Variants in MCF2L observed in about 807,000 individuals in gnomAD.
The protein encoded by MCF2L is guanine nucleotide exchange factor DBS.
MCF2L carries 97 observed loss-of-function variants against 153.4 expected under a neutral mutation model. That is an observed-to-expected ratio of 0.63 (90% CI 0.54 to 0.75). The LOEUF (loss-of-function observed/expected upper bound fraction) is 0.75, where lower values mean the gene tolerates loss of function less well. Ranked by LOEUF, MCF2L falls within the 30% of genes least tolerant of loss-of-function variation. MCF2L has a pLI of 0.00. For missense variants in MCF2L, 1,347 were observed against 1,495.2 expected, an observed-to-expected ratio of 0.90 and a Z score of 1.64; for synonymous variants, 659 against 632.2, an observed-to-expected ratio of 1.04 and a Z score of -0.64.
intron 2 of MCF2L, among the ~76,000 whole-genome samples, chr13:112,934,181 C>G (rs947456342): frequency 6.6e-6 from 1 of 152,218 alleles, no homozygotes; most frequent in African/African-American, 2.4e-5. Context: ...TGCATGGAAG[C>G]CCCCTGCTTG....
Position 112,983,727 on chromosome 13 carries a change from G to A in MCF2L, c.79+14269G>A, listed in dbSNP as rs572231994. Among the ~76,000 whole-genome samples the A allele has an allele frequency of 5.9e-5, 9 of 152,322 alleles. No homozygotes were observed. The highest frequency in any genetic ancestry group is 3.3e-4 in the Admixed American group (5 of 15,314). ...TGACGCACTGTGGCCCCGGGGAAGC[G>A]TGGTGTCTGCAGCCTCCTGGGCCTT... On this transcript the variant is annotated intron_variant, in intron 1 of 29. Transcript: ENST00000535094. The surrounding 1 kb of genome is among the most constrained non-coding windows in gnomAD (Gnocchi z 4.0).
chr13:113,061,887 C>T (rs1411984698), intron 5 of MCF2L, among the ~76,000 whole-genome samples: 2 of 80,856 alleles, frequency 2.5e-5, no homozygotes, highest in African/African-American at 1.0e-4. Context: ...CTCCTCCTCC[C>T]CTTCCTCCTC....
rs150592092 is a variant in MCF2L at position 112,923,914 on chromosome 13, G to C, written c.169+21543G>C. ...TGACACCGCCACTTTGGAGAGGGCA[G>C]GCCAGTTATGTTGTAGAACATTCCT... On this transcript the variant is annotated intron_variant, in intron 2 of 29. Transcript: ENST00000375608. Among the ~76,000 whole-genome samples, 49 of 152,284 alleles carry C rather than the reference G, an allele frequency of 3.2e-4. No individual in the cohort carries two copies. In the East Asian group the frequency reaches 7.9e-3, roughly 25 times the overall value.
chr13:113,041,979 G>A (rs988920034), intron 3 of MCF2L, among the ~76,000 whole-genome samples: 2 of 152,164 alleles, frequency 1.3e-5, no homozygotes, highest in Admixed American at 6.5e-5. Flanking sequence ...TGCCTGGAGA[G>A]GATCATAGCA....
rs907099274 is a variant in MCF2L, at chr13:113,035,948, ACCT to A, written c.279-9321_279-9319del. ...ACAGCAGGGGCCTAAGGGATGTTTG[ACCT>A]CAGCAGGTAGAGTATCATCTCCGTG... On this transcript the variant is annotated intron_variant, in intron 3 of 29. Coordinates refer to ENST00000535094, the MANE Select transcript of MCF2L (RefSeq NM_001112732.3). This position sits in a 1 kb window ranked among gnomAD's most constrained non-coding sequence, Gnocchi z 4.4. Among the ~76,000 whole-genome samples the A allele has an allele frequency of 2.6e-5, 4 of 151,970 alleles. No individual in the cohort carries two copies. Among genetic ancestry groups the A allele is most frequent in the Admixed American group, 6.6e-5 (1 of 15,262 alleles).
chr13:112,986,679 A>G (rs1272998609), intron 1 of MCF2L, among the ~76,000 whole-genome samples: 1 of 152,172 alleles, frequency 6.6e-6, no homozygotes, highest in Non-Finnish European at 1.5e-5. Context: ...GGGAAGCCCC[A>G]TCGGAGGGTC....
intron 1 of MCF2L, among the ~76,000 whole-genome samples, chr13:112,992,804 A>C (rs758919785): frequency 3.0e-4 from 45 of 152,262 alleles, no homozygotes; most frequent in Non-Finnish European, 4.3e-4. Context: ...AATCTACAGA[A>C]CATCGGGAAC....
chr13:113,081,077 G>A (rs181354695), intron 15 of MCF2L, 136 bp from the exon 16 acceptor site: 89 of 688,996 alleles, frequency 1.3e-4, no homozygotes, highest in African/African-American at 1.2e-3. Context: ...CGTCCAGCCT[G>A]TGGGCTTTGG....
At chr13:113,023,966 C>T (rs1364925310) in intron 2 of MCF2L, among the ~76,000 whole-genome samples, 4 of 152,228 alleles carry the variant, frequency 2.6e-5, no homozygotes, top group Admixed American at 1.3e-4. Flanking sequence ...AGCTCACTTC[C>T]GCTGAGTCCT....
chr13:112,905,385 C>T (rs1311152507), intron 2 of MCF2L, among the ~76,000 whole-genome samples: 5 of 152,078 alleles, frequency 3.3e-5, no homozygotes, highest in Admixed American at 2.0e-4. Context: ...GAACTAAAGG[C>T]ACCAAATAAG....
chr13:112,899,460 C>T (rs1030644869), intron 1 of MCF2L, among the ~76,000 whole-genome samples: 5 of 152,194 alleles, frequency 3.3e-5, no homozygotes, highest in Admixed American at 3.3e-4. Context: ...CATCCATCCT[C>T]TCGGGGCGGG....
intron 21 of MCF2L, 100 bp from the exon 22 acceptor site, chr13:113,087,134 CG>C: frequency 9.8e-7 from 1 of 1,016,114 alleles, no homozygotes; most frequent in East Asian, 2.6e-5. Context: ...GGAATCCCAC[CG>C]TGGGTGGGCT....
At chr13:112,954,781 A>T (rs2081737311) in intron 2 of MCF2L, among the ~76,000 whole-genome samples, 1 of 152,204 alleles carries the variant, frequency 6.6e-6, no homozygotes, top group Non-Finnish European at 1.5e-5. Context: ...AGGTGCTCCT[A>T]GTCGCTGCTT....
chr13:113,021,307 A>G (rs200388811), intron 2 of MCF2L, among the ~76,000 whole-genome samples: 1 of 80,958 alleles, frequency 1.2e-5, no homozygotes, highest in African/African-American at 4.4e-5. Flanking sequence ...TGTGTATTAA[A>G]CTGAGTGTGT....
intron 1 of MCF2L, chr13:112,979,803 C>T (rs906924718): frequency 1.3e-6 from 2 of 1,566,938 alleles, no homozygotes; most frequent in South Asian, 2.4e-5. Context: ...GGTGCTGTGT[C>T]CCCTCTGCAG....
intron 2 of MCF2L, among the ~76,000 whole-genome samples, chr13:112,918,453 G>A (rs1467050108): frequency 6.6e-6 from 1 of 152,226 alleles, no homozygotes; most frequent in African/African-American, 2.4e-5. Flanking sequence ...AGTTGAGGGT[G>A]TGCAGGCCCT....
At chr13:113,083,974 T>C in intron 17 of MCF2L, 24 bp from the exon 18 acceptor site, 1 of 1,582,634 alleles carries the variant, frequency 6.3e-7, no homozygotes, top group Non-Finnish European at 8.7e-7. Context: ...TCTTTCATAC[T>C]ACTTAAAAAC....
intron 1 of MCF2L, among the ~76,000 whole-genome samples, chr13:112,996,144 A>G (rs2083121506): frequency 1.3e-5 from 2 of 152,154 alleles, no homozygotes; most frequent in East Asian, 3.9e-4. Context: ...AGGTTATCCT[A>G]CATCACAAAG....
At chr13:113,025,929 G>A (rs1270383565) in intron 3 of MCF2L, among the ~76,000 whole-genome samples, 1 of 120,968 alleles carries the variant, frequency 8.3e-6, no homozygotes, top group Non-Finnish European at 1.8e-5. Context: ...ACTGTGGGTC[G>A]GGGCAGAGTC....
Sources: gnomAD v4.1 joint callset for allele counts (sites outside exome capture counted in the v4.1 genomes callset) on GRCh38, gnomAD v4.1.1 for gene constraint, Gnocchi (gnomAD v3.1) non-coding constraint, MANE v1.5 for transcripts, NCBI Gene and HGNC (gene_info 2026-07-23, HGNC 2026-07-21) for gene names.